RBPJ: variants seen among roughly 807,000 people sequenced by gnomAD.
RBPJ encodes the protein recombining binding protein suppressor of hairless.
RBPJ carries 9 observed loss-of-function variants against 67.8 expected under a neutral mutation model. That is an observed-to-expected ratio of 0.13 (90% CI 0.08 to 0.23). RBPJ has a LOEUF of 0.23. RBPJ is among the 10% of genes least tolerant of loss of function. The probability of loss-of-function intolerance (pLI) is 1.00; values close to 1 mark genes in which losing one functional copy is unlikely to be tolerated. For missense variants in RBPJ, 305 were observed against 595.6 expected (o/e 0.51, Z 5.08); for synonymous variants, 198 against 203.3 (o/e 0.97, Z 0.22).
intron 3 of RBPJ, among the ~76,000 whole-genome samples, chr4:26,406,842 A>G (rs1414029486): frequency 6.6e-6 from 1 of 152,276 alleles, no homozygotes; most frequent in Non-Finnish European, 1.5e-5. Flanking sequence ...CTGCCCAGAC[A>G]TGCCTGAATA....
upstream of RBPJ, chr4:26,319,874 G>T: frequency 2.5e-6 from 4 of 1,588,774 alleles, no homozygotes; most frequent in Non-Finnish European, 3.5e-6. Flanking sequence ...GGAGGGGAAA[G>T]ATGGGGGGCT....
chr4:26,192,781 TA>T (rs1717615327), intron 1 of RBPJ, among the ~76,000 whole-genome samples: 1 of 152,154 alleles, frequency 6.6e-6, no homozygotes. Context: ...TTCCATTCCA[TA>T]ATAAGCACAA....
Position 26,173,616 on chromosome 4 carries a change from C to T in RBPJ, c.-167+10002C>T, listed in dbSNP as rs28614135. ...TCTATCTTTCATCCCACCCACGACT[C>T]CAGATAACTTGGTAGGCTACAAGAT... On this transcript the variant is annotated intron_variant, in intron 1 of 4. Coordinates refer to the RBPJ transcript ENST00000512351. 8.3e-3 allele frequency among the ~76,000 whole-genome samples: 1,258 copies of T among 152,278 alleles called. 12 individuals are homozygous for T. The highest frequency in any genetic ancestry group is 0.029 in the African/African-American group (1,202 of 41,548).
rs562966530 is a variant in RBPJ, at chr4:26,385,390, CTG to C, written c.21-959_21-958del. 2.6e-5 allele frequency among the ~76,000 whole-genome samples: 4 copies of C among 152,290 alleles called. No individual in the cohort carries two copies. In the East Asian group the frequency reaches 7.7e-4, roughly 29 times the overall value. On this transcript the variant is annotated intron_variant, in intron 1 of 10. Transcript: ENST00000355476. The stretch of plus-strand genomic sequence containing the variant: ...CAACTCTTTGAGGTAAGCACAGTCA[CTG>C]TGTCCTTTTTACAGATGAGGAAACA...
the RBPJ span, among the ~76,000 whole-genome samples, chr4:26,124,729 G>A: frequency 1.6e-4 from 24 of 151,928 alleles, no homozygotes; most frequent in South Asian, 4.0e-3. Context: ...TCCGTTTACC[G>A]CATCTGTATG....
intron 2 of RBPJ, among the ~76,000 whole-genome samples, chr4:26,389,160 C>T (rs1399540238): frequency 6.6e-6 from 1 of 151,444 alleles, no homozygotes; most frequent in Admixed American, 6.6e-5. Flanking sequence ...GCCCAGGAGA[C>T]GGAGGTTGCA....
intron 1 of RBPJ, 137 bp from the exon 2 acceptor site, chr4:26,386,216 G>C: frequency 1.6e-6 from 1 of 621,336 alleles, no homozygotes; most frequent in Non-Finnish European, 2.8e-6. Flanking sequence ...ATGCTTACCA[G>C]AGGATTTCTG....
intron 1 of RBPJ, among the ~76,000 whole-genome samples, chr4:26,306,548 C>A (rs985048637): frequency 4.6e-5 from 7 of 151,956 alleles, no homozygotes; most frequent in African/African-American, 1.7e-4. Context: ...CTCCCAGGTT[C>A]ATGCCATTCT....
intron 1 of RBPJ, among the ~76,000 whole-genome samples, chr4:26,267,903 C>T (rs1028254500): frequency 6.6e-6 from 1 of 151,868 alleles, no homozygotes; most frequent in Non-Finnish European, 1.5e-5. Flanking sequence ...CCACGGCACC[C>T]GACCCACAAT....
chr4:26,423,356 A>T (rs1250118141), intron 5 of RBPJ, among the ~76,000 whole-genome samples: 1 of 152,334 alleles, frequency 6.6e-6, no homozygotes, highest in East Asian at 1.9e-4. Flanking sequence ...CCAGAGTGGG[A>T]GATAGTTTAG....
intron 1 of RBPJ, among the ~76,000 whole-genome samples, chr4:26,212,111 T>C (rs745568169): frequency 1.3e-5 from 2 of 152,110 alleles, no homozygotes; most frequent in African/African-American, 2.4e-5. Flanking sequence ...TTGTGGCACT[T>C]TTTGTTACAA....
At chr4:26,428,529 G>A in intron 7 of RBPJ, 191 bp from the exon 8 acceptor site, 1 of 502,536 alleles carries the variant, frequency 2.0e-6, no homozygotes, top group African/African-American at 2.0e-5. Context: ...ATTCTGACAT[G>A]CTTGCAATCT....
intron 1 of RBPJ, among the ~76,000 whole-genome samples, chr4:26,348,620 TAAA>T (rs941987153): frequency 5.3e-5 from 8 of 152,236 alleles, no homozygotes; most frequent in African/African-American, 1.9e-4. Context: ...TTTGAAATGT[TAAA>T]AAGTATTTTG....
At chr4:26,357,528 T>C (rs1727520806) in intron 1 of RBPJ, among the ~76,000 whole-genome samples, 1 of 152,186 alleles carries the variant, frequency 6.6e-6, no homozygotes, top group African/African-American at 2.4e-5. Flanking sequence ...CTATCCACTA[T>C]TTGTGTATCT....
At chr4:26,283,481 G>T (rs1721349156) in intron 1 of RBPJ, among the ~76,000 whole-genome samples, 1 of 151,176 alleles carries the variant, frequency 6.6e-6, no homozygotes, top group Non-Finnish European at 1.5e-5. Context: ...GGAGGCGGAG[G>T]TTGAAGTGAG....
rs969661955 is a variant in RBPJ at position 26,430,209 on chromosome 4, C to A, written c.1044+156C>A. The A allele has an allele frequency of 1.1e-5, 10 of 946,566 alleles. No homozygotes were observed. Among genetic ancestry groups the A allele is most frequent in the African/African-American group, 1.7e-5 (1 of 58,924 alleles). 58.6% of individuals were successfully genotyped at this position (946,566 alleles called of 1,614,324 possible). On this transcript the variant is annotated intron_variant, in intron 9 of 10. Transcript: ENST00000355476. The surrounding 1 kb of genome is among the most constrained non-coding windows in gnomAD (Gnocchi z 4.1). ...ATTTGTTGATTTAAAGAAAAAAAAA[C>A]AAAATTAGGAGGAGCGTACTTGCCA... is the stretch of plus-strand genomic sequence containing the variant.
At chr4:26,385,305 G>T (rs569199107) in intron 1 of RBPJ, among the ~76,000 whole-genome samples, 20 of 152,120 alleles carry the variant, frequency 1.3e-4, no homozygotes, top group African/African-American at 4.6e-4. Flanking sequence ...ACAGGTGTGA[G>T]CCACTGCGCC....
chr4:26,300,528 T>A (rs774445034), intron 1 of RBPJ, among the ~76,000 whole-genome samples: 1 of 152,368 alleles, frequency 6.6e-6, no homozygotes, highest in Non-Finnish European at 1.5e-5. Flanking sequence ...GAAGGTGGAA[T>A]GTACTACTAA....
chr4:26,149,169 CACATACATG>C, the RBPJ span, among the ~76,000 whole-genome samples: 1 of 152,152 alleles, frequency 6.6e-6, no homozygotes, highest in Non-Finnish European at 1.5e-5. Flanking sequence ...TGGAAAAGGT[CACATACATG>C]ACATTGTTGA....
Sources: gnomAD v4.1 joint callset for allele counts (sites outside exome capture counted in the v4.1 genomes callset) on GRCh38, gnomAD v4.1.1 for gene constraint, Gnocchi (gnomAD v3.1) non-coding constraint, MANE v1.5 for transcripts, NCBI Gene and HGNC (gene_info 2026-07-23, HGNC 2026-07-21) for gene names.